The following UNC13B variants were observed in gnomAD, a reference collection of about 807,000 sequenced individuals.
UNC13B encodes unc-13 homolog B.
Under a neutral mutation model 211.0 loss-of-function variants are expected in UNC13B, and 144 were observed. The ratio of observed to expected loss-of-function variants is 0.68; its 90% CI spans 0.60 to 0.78. The LOEUF (loss-of-function observed/expected upper bound fraction) is 0.78, where lower values mean the gene tolerates loss of function less well. UNC13B is among the 30% of genes least tolerant of loss of function. UNC13B has a pLI of 0.00. For missense variants in UNC13B, 1,777 were observed against 2,002.0 expected (o/e 0.89, Z 2.14); for synonymous variants, 709 against 725.8 (o/e 0.98, Z 0.37).
At chr9:35,339,393 A>T (rs1308085583) in intron 11 of UNC13B, among the ~76,000 whole-genome samples, 1 of 152,152 alleles carries the variant, frequency 6.6e-6, no homozygotes, top group African/African-American at 2.4e-5. Flanking sequence ...ATTGTTGCCC[A>T]TGTGGCTCAC....
At chr9:35,189,339 C>T (rs1374076812) in intron 1 of UNC13B, among the ~76,000 whole-genome samples, 1 of 152,138 alleles carries the variant, frequency 6.6e-6, no homozygotes, top group Non-Finnish European at 1.5e-5. Context: ...GACAGAAGTG[C>T]AGATAAGGTC....
intron 12 of UNC13B, among the ~76,000 whole-genome samples, chr9:35,367,282 G>A (rs910652084): frequency 1.3e-5 from 2 of 152,140 alleles, no homozygotes; most frequent in Non-Finnish European, 2.9e-5. Flanking sequence ...TTTCATAGTG[G>A]TGAAATACTC....
At chr9:35,254,980 ATATATG>A (rs1160530965) in intron 6 of UNC13B, among the ~76,000 whole-genome samples, 6 of 120,994 alleles carry the variant, frequency 5.0e-5, no homozygotes, top group African/African-American at 1.9e-4. Flanking sequence ...TTATATATTA[ATATATG>A]TATATATTAT....
intron 12 of UNC13B, among the ~76,000 whole-genome samples, chr9:35,367,702 G>T (rs1219780481): frequency 6.6e-6 from 1 of 152,002 alleles, no homozygotes; most frequent in Non-Finnish European, 1.5e-5. Context: ...TTCCACTGTA[G>T]TCAGGATATA....
chr9:35,164,454 T>G (rs1453655587), intron 1 of UNC13B, among the ~76,000 whole-genome samples: 1 of 152,230 alleles, frequency 6.6e-6, no homozygotes, highest in Non-Finnish European at 1.5e-5. Flanking sequence ...AATTAGAAAC[T>G]TCCTATGCAG....
intron 8 of UNC13B, among the ~76,000 whole-genome samples, chr9:35,298,508 C>T (rs1336557823): frequency 6.6e-6 from 1 of 151,868 alleles, no homozygotes; most frequent in Non-Finnish European, 1.5e-5. Context: ...AGTTTAGACA[C>T]AGGGTCTTGC....
At chr9:35,375,485 T>C (rs550064348) in intron 14 of UNC13B, among the ~76,000 whole-genome samples, 1 of 152,198 alleles carries the variant, frequency 6.6e-6, no homozygotes, top group Admixed American at 6.5e-5. Flanking sequence ...AAAGCGTGAA[T>C]GCTGGAACAA....
At chr9:35,207,642 C>T (rs1311556152) in intron 1 of UNC13B, among the ~76,000 whole-genome samples, 1 of 151,832 alleles carries the variant, frequency 6.6e-6, no homozygotes, top group South Asian at 2.1e-4. Flanking sequence ...GCCTCATTGG[C>T]CATTTGTATA....
chr9:35,297,776 C>T (rs527426708), intron 8 of UNC13B, among the ~76,000 whole-genome samples: 2 of 152,016 alleles, frequency 1.3e-5, no homozygotes, highest in South Asian at 4.2e-4. Flanking sequence ...GTCTCGATCT[C>T]CTGACCTCGT....
In UNC13B at chr9:35,254,687, T is replaced by A. The variant is rs947824855; in HGVS notation, c.469-4306T>A. ...CTAGTTGGTTATCACATTACTATTATAAGTAAATGCTTTGCTGCTCATCTT... is the reference window on the plus strand; with the variant it reads ...CTAGTTGGTTATCACATTACTATTAAAAGTAAATGCTTTGCTGCTCATCTT... On this transcript the variant is annotated intron_variant, in intron 6 of 39. Coordinates refer to ENST00000635942, the MANE Select transcript of UNC13B (RefSeq NM_001371189.2). 2.0e-5 allele frequency among the ~76,000 whole-genome samples: 3 copies of A among 151,566 alleles called. No homozygotes were observed. In the Admixed American group the frequency reaches 2.0e-4, roughly 10 times the overall value.
intron 3 of UNC13B, among the ~76,000 whole-genome samples, chr9:35,235,834 C>T (rs992788186): frequency 3.3e-5 from 5 of 152,170 alleles, no homozygotes; most frequent in Non-Finnish European, 7.4e-5. Flanking sequence ...ACATATAAAA[C>T]TGTTGCCTAT....
At chr9:35,289,101 A>G (rs920335440) in intron 7 of UNC13B, among the ~76,000 whole-genome samples, 1 of 152,034 alleles carries the variant, frequency 6.6e-6, no homozygotes, top group African/African-American at 2.4e-5. Flanking sequence ...CCTTTCTGAG[A>G]GGTGAGAAGA....
intron 1 of UNC13B, among the ~76,000 whole-genome samples, chr9:35,168,423 A>G (rs1821159747): frequency 6.6e-6 from 1 of 152,014 alleles, no homozygotes; most frequent in African/African-American, 2.4e-5. Flanking sequence ...TTTTTGTTAT[A>G]TGTTTGGAGA....
At chr9:35,227,631 T>TTA (rs1156774533) in intron 1 of UNC13B, among the ~76,000 whole-genome samples, 2 of 152,242 alleles carry the variant, frequency 1.3e-5, no homozygotes, top group African/African-American at 4.8e-5. Flanking sequence ...ATCTGGCCTG[T>TTA]TATGCTCTTC....
chr9:35,402,036 C>T, intron 37 of UNC13B: 1 of 1,543,528 alleles, frequency 6.5e-7, no homozygotes. Context: ...AGATATGGAT[C>T]TAACATGGGC....
At chr9:35,196,218 A>G (rs1822930539) in intron 1 of UNC13B, among the ~76,000 whole-genome samples, 1 of 152,050 alleles carries the variant, frequency 6.6e-6, no homozygotes, top group African/African-American at 2.4e-5. Flanking sequence ...AATGGTGGTT[A>G]TTGTATTTGG....
chr9:35,299,893 T>A (rs1829588107), intron 8 of UNC13B, among the ~76,000 whole-genome samples: 1 of 152,178 alleles, frequency 6.6e-6, no homozygotes, highest in Non-Finnish European at 1.5e-5. Context: ...ATGAAAAAAT[T>A]AGGATTATTT....
intron 6 of UNC13B, among the ~76,000 whole-genome samples, chr9:35,251,789 T>A (rs1392224492): frequency 6.6e-6 from 1 of 152,266 alleles, no homozygotes; most frequent in Non-Finnish European, 1.5e-5. Context: ...GTTGATTTTT[T>A]CATTTCAAGA....
intron 6 of UNC13B, among the ~76,000 whole-genome samples, chr9:35,247,380 C>A (rs1826168415): frequency 6.6e-6 from 1 of 152,160 alleles, no homozygotes; most frequent in Non-Finnish European, 1.5e-5. Flanking sequence ...GCCAGAACTT[C>A]CAACGCTATG....
Sources: allele counts gnomAD v4.1 joint callset (sites outside exome capture counted in the v4.1 genomes callset), GRCh38; gene constraint gnomAD v4.1.1; transcripts MANE v1.5; gene names NCBI Gene and HGNC (gene_info 2026-07-23, HGNC 2026-07-21).